The following ZNF565 variants were observed in gnomAD, a reference collection of about 807,000 sequenced individuals.
The protein encoded by ZNF565 is zinc finger protein 565.
ZNF565 carries 27 observed loss-of-function variants against 39.4 expected under a neutral mutation model. The observed-to-expected ratio is 0.69, with a 90% CI of 0.51 to 0.95. The LOEUF is 0.95. Among genes scored for constraint, ZNF565 ranks in the 40% least tolerant of loss-of-function variants. ZNF565 has a pLI of 0.00. For synonymous variants in ZNF565, 185 were observed against 216.6 expected (o/e 0.85, Z 1.28); for missense variants, 524 against 621.1 (o/e 0.84, Z 1.66).
chr19:36,234,000 T>C (rs1977524171), intron 1 of ZNF565, among the ~76,000 whole-genome samples: 1 of 152,174 alleles, frequency 6.6e-6, no homozygotes, highest in African/African-American at 2.4e-5. Context: ...CCTTGGACAA[T>C]ACCTGGCTTT....
At chr19:36,212,190 A>G (rs913615286) in intron 1 of ZNF565, among the ~76,000 whole-genome samples, 3 of 152,200 alleles carry the variant, frequency 2.0e-5, no homozygotes, top group Non-Finnish European at 4.4e-5. Context: ...TCAACAGGAA[A>G]TATCAGACAA....
chr19:36,212,580 G>A (rs1976400844), intron 1 of ZNF565, among the ~76,000 whole-genome samples: 1 of 151,188 alleles, frequency 6.6e-6, no homozygotes, highest in African/African-American at 2.4e-5. Flanking sequence ...TGAGATCACA[G>A]CACTGCACTC....
intron 1 of ZNF565, among the ~76,000 whole-genome samples, chr19:36,208,973 C>T (rs970684202): frequency 2.0e-5 from 3 of 152,246 alleles, no homozygotes; most frequent in African/African-American, 7.2e-5. Flanking sequence ...GCTGGGACTA[C>T]AGGTGTGCAT....
intron 2 of ZNF565, among the ~76,000 whole-genome samples, chr19:36,198,959 G>A (rs1041037766): frequency 1.3e-5 from 2 of 152,130 alleles, no homozygotes; most frequent in African/African-American, 4.8e-5. Flanking sequence ...AAGGATAAAT[G>A]CTTGAGGGGT....
chr19:36,194,213 C>G lies in ZNF565; in HGVS notation c.232+20G>C. ...GACTCATCCAGGGACCTTCCCCTGT[C>G]GAAATCGGCCCTCGCTTACCTGGGC... On this transcript the variant is annotated intron_variant, in intron 4 of 4. Coordinates refer to ENST00000304116, the MANE Select transcript of ZNF565 (RefSeq NM_152477.5). The G allele has an allele frequency of 6.3e-7, 1 of 1,596,794 alleles. No individual in the cohort carries two copies. Among genetic ancestry groups the G allele is most frequent in the Non-Finnish European group, 8.5e-7 (1 of 1,170,302 alleles).
intron 1 of ZNF565, chr19:36,236,755 C>T (rs772802757): frequency 5.0e-6 from 8 of 1,613,876 alleles, no homozygotes; most frequent in Middle Eastern, 3.3e-4. Context: ...GTAAAGATTG[C>T]GGGAAAGCTT....
Position 36,245,339 on chromosome 19 carries a change from C to A in ZNF565, c.55+137G>T. On this transcript the variant is annotated intron_variant, in intron 1 of 4. Coordinates refer to the ZNF565 transcript ENST00000355114. The surrounding 1 kb of genome is among the most constrained non-coding windows in gnomAD (Gnocchi z 4.4). ...TCAGTTCTAAGCCGAGGGGCTGCTG[C>A]CGGACATTCTAGGGTCTGATCTGGC... 1 of 652,046 alleles carries A rather than the reference C, an allele frequency of 1.5e-6. No homozygotes were observed. Among genetic ancestry groups the A allele is most frequent in the South Asian group, 1.7e-5 (1 of 59,466 alleles). The allele number at this position is 652,046 out of a possible 1,614,324, so 40.4% of individuals were successfully genotyped here. A position where few individuals can be genotyped will look rare whatever the true frequency, so the allele number is the denominator to read the frequency against.
intron 1 of ZNF565, among the ~76,000 whole-genome samples, chr19:36,231,144 C>T (rs1407161983): frequency 1.3e-5 from 2 of 152,188 alleles, no homozygotes; most frequent in Non-Finnish European, 2.9e-5. Flanking sequence ...AGGTGTATCA[C>T]TTGAGGCCAG....
chr19:36,233,631 C>A (rs1977497855), intron 1 of ZNF565, among the ~76,000 whole-genome samples: 1 of 152,086 alleles, frequency 6.6e-6, no homozygotes, highest in South Asian at 2.1e-4. Context: ...AAAACGTGAA[C>A]AAATGTCTCT....
chr19:36,225,627 A>G (rs1421135103), intron 1 of ZNF565, among the ~76,000 whole-genome samples: 1 of 137,976 alleles, frequency 7.2e-6, no homozygotes, highest in Non-Finnish European at 1.6e-5. Context: ...GTTTTTTTGT[A>G]TTTTTTTTTA....
chr19:36,182,479 A>G lies in ZNF565; in HGVS notation c.1487T>C (p.Ile496Thr). 6.4e-7 allele frequency: 1 copy of G among 1,573,252 alleles called. No homozygotes were observed. Among genetic ancestry groups the G allele is most frequent in the Non-Finnish European group, 8.6e-7 (1 of 1,160,542 alleles). The change falls in exon 5 of 5, where the codon ATT (isoleucine) becomes ACT (threonine). Residue 496 changes from isoleucine to threonine, a missense_variant. Physicochemically the swap from Ile to Thr is moderately conservative, Grantham distance 89 (BLOSUM62 -1). Transcript: ENST00000304116. ...ACTCAAGGCTTTCTAACCAGTATGA[A>G]TTCTGTAGTGTTCAATGAGTTGTGA... is the stretch of plus-strand genomic sequence containing the variant. ...LGSQLIEHYR[I>T]HTG
At chr19:36,198,084 G>C (rs1975829243) in intron 2 of ZNF565, among the ~76,000 whole-genome samples, 1 of 151,884 alleles carries the variant, frequency 6.6e-6, no homozygotes, top group Non-Finnish European at 1.5e-5. Context: ...AGGAGGCAGA[G>C]GTTGCACCAC....
At chr19:36,184,078 A>AT (rs1183337555) in intron 4 of ZNF565, among the ~76,000 whole-genome samples, 1 of 111,476 alleles carries the variant, frequency 9.0e-6, no homozygotes, top group African/African-American at 3.8e-5. Flanking sequence ...ACTCTGTCTC[A>AT]TAAAAAAAAA....
intron 1 of ZNF565, among the ~76,000 whole-genome samples, chr19:36,232,488 C>T (rs948082477): frequency 2.0e-5 from 3 of 152,020 alleles, no homozygotes; most frequent in Non-Finnish European, 2.9e-5. Flanking sequence ...CATTATAATC[C>T]GGTTAAAAGG....
chr19:36,244,177 C>T (rs1410515178), intron 1 of ZNF565, among the ~76,000 whole-genome samples: 1 of 152,164 alleles, frequency 6.6e-6, no homozygotes, highest in African/African-American at 2.4e-5. Context: ...CTCTTTCTCT[C>T]TCTCTATTCT....
rs369703289 is a variant in ZNF565 at position 36,183,254 on chromosome 19, G to A, written c.712C>T (p.Leu238Phe). The change falls in exon 5 of 5, where the codon CTT becomes TTT. Residue 238 changes from leucine (L) to phenylalanine (F), a missense_variant. Transcript: ENST00000304116. ...GTATGAAGTCTCTGATGTAGAATAAGTTCTGATGTACGACCAAAGGCCTTC... is the reference window on the plus strand; with the variant it reads ...GTATGAAGTCTCTGATGTAGAATAAATTCTGATGTACGACCAAAGGCCTTC... The part of the protein sequence containing the change: ...CGKAFGRTSE[L>F]ILHQRLHTGV... 16 of 1,614,012 alleles carry A rather than the reference G, an allele frequency of 9.9e-6. No homozygotes were observed. The highest frequency in any genetic ancestry group is 1.4e-5 in the Non-Finnish European group (16 of 1,180,046).
chr19:36,207,698 C>G (rs1976208515), intron 1 of ZNF565, among the ~76,000 whole-genome samples: 1 of 152,132 alleles, frequency 6.6e-6, no homozygotes, highest in African/African-American at 2.4e-5. Flanking sequence ...TTTTCCAGCC[C>G]CTTGCACTTA....
chr19:36,232,697 C>T (rs535775508), intron 1 of ZNF565, among the ~76,000 whole-genome samples: 94 of 151,850 alleles, frequency 6.2e-4, no homozygotes, highest in Non-Finnish European at 1.2e-3. Flanking sequence ...CAACCTCCAC[C>T]TCCCGGTTTC....
intron 1 of ZNF565, among the ~76,000 whole-genome samples, chr19:36,224,803 A>G (rs1274847687): frequency 6.6e-6 from 1 of 152,112 alleles, no homozygotes; most frequent in Non-Finnish European, 1.5e-5. Flanking sequence ...CGTGATACGT[A>G]TTCTCGTTTC....
Sources: gnomAD v4.1 joint callset for allele counts (sites outside exome capture counted in the v4.1 genomes callset) on GRCh38, gnomAD v4.1.1 for gene constraint, Gnocchi (gnomAD v3.1) non-coding constraint, MANE v1.5 for transcripts, NCBI Gene and HGNC (gene_info 2026-07-23, HGNC 2026-07-21) for gene names.